SLC9A2: variants seen among roughly 807,000 people sequenced by gnomAD.
SLC9A2 encodes sodium/hydrogen exchanger 2.
Under a neutral mutation model 71.7 loss-of-function variants are expected in SLC9A2, and 42 were observed. The observed-to-expected ratio is 0.59, with a 90% CI of 0.46 to 0.76. The LOEUF (loss-of-function observed/expected upper bound fraction) is 0.76. Among genes scored for constraint, SLC9A2 ranks in the 30% least tolerant of loss-of-function variants. SLC9A2 has a pLI of 0.00. For missense variants in SLC9A2, 829 were observed against 1,017.4 expected (o/e 0.81, Z 2.52); for synonymous variants, 396 against 392.5 (o/e 1.01, Z -0.10).
chr2:102,682,474 G>C (rs1054877254), intron 3 of SLC9A2, among the ~76,000 whole-genome samples: 3 of 152,226 alleles, frequency 2.0e-5, no homozygotes, highest in Non-Finnish European at 4.4e-5. Context: ...AGAGCTTCAG[G>C]AGTGTGGACT....
At chr2:102,651,275 A>G (rs920273510) in intron 1 of SLC9A2, among the ~76,000 whole-genome samples, 1 of 152,194 alleles carries the variant, frequency 6.6e-6, no homozygotes, top group Non-Finnish European at 1.5e-5. Context: ...GGACCTGGTC[A>G]TGACATTCCT....
At chr2:102,706,610 C>A (rs554232211) in intron 11 of SLC9A2, among the ~76,000 whole-genome samples, 19 of 152,226 alleles carry the variant, frequency 1.2e-4, no homozygotes, top group African/African-American at 4.6e-4. Flanking sequence ...CAAGAGTTTG[C>A]AAATCTAAAA....
intron 1 of SLC9A2, among the ~76,000 whole-genome samples, chr2:102,637,640 C>T (rs1006320661): frequency 2.0e-4 from 31 of 152,212 alleles, no homozygotes; most frequent in African/African-American, 7.5e-4. Context: ...AAGTGAACTT[C>T]ACCAGCTCTG....
chr2:102,621,796 T>A (rs1270240325), intron 1 of SLC9A2, among the ~76,000 whole-genome samples: 1 of 152,178 alleles, frequency 6.6e-6, no homozygotes, highest in East Asian at 1.9e-4. Context: ...AGAGAACACT[T>A]CCTCATGCAG....
chr2:102,629,644 C>T (rs1331813220), intron 1 of SLC9A2, among the ~76,000 whole-genome samples: 1 of 151,892 alleles, frequency 6.6e-6, no homozygotes, highest in Non-Finnish European at 1.5e-5. Flanking sequence ...TCTTTCTTGC[C>T]ATATTTTGGC....
At position 102,708,524 on chromosome 2, in the gene SLC9A2, C is replaced by A; in HGVS notation, c.*35C>A. The A allele has an allele frequency of 6.3e-7, 1 of 1,589,084 alleles. No homozygotes were observed. Among genetic ancestry groups the A allele is most frequent in the South Asian group, 1.2e-5 (1 of 86,422 alleles). ...CGAAAGCAGATCTGAGTGTCTGACC[C>A]AGGACAGCTGTGGTTTGTCACTCTG... is the stretch of plus-strand genomic sequence containing the variant. On this transcript the variant is annotated 3_prime_UTR_variant, in exon 12 of 12. Transcript: ENST00000233969.
At chr2:102,705,643 C>T (rs1677961193) in intron 10 of SLC9A2, among the ~76,000 whole-genome samples, 1 of 151,996 alleles carries the variant, frequency 6.6e-6, no homozygotes, top group Non-Finnish European at 1.5e-5. Flanking sequence ...TTCCTATTTC[C>T]CTTTGTAGAG....
At chr2:102,669,433 ATG>A (rs144885926) in intron 3 of SLC9A2, among the ~76,000 whole-genome samples, 5 of 151,938 alleles carry the variant, frequency 3.3e-5, no homozygotes, top group Non-Finnish European at 4.4e-5. Context: ...CAATAGGGAA[ATG>A]TGTGTGTGTG....
intron 7 of SLC9A2, among the ~76,000 whole-genome samples, chr2:102,699,367 AG>A (rs1338456193): frequency 6.6e-6 from 1 of 152,174 alleles, no homozygotes; most frequent in Non-Finnish European, 1.5e-5. Flanking sequence ...CACAGTACCA[AG>A]AGGGCCAGAT....
intron 3 of SLC9A2, among the ~76,000 whole-genome samples, chr2:102,669,875 C>G (rs1677211744): frequency 6.6e-6 from 1 of 152,148 alleles, no homozygotes; most frequent in Admixed American, 6.5e-5. Flanking sequence ...CTACCCTACA[C>G]AGTCCCCTGG....
intron 2 of SLC9A2, among the ~76,000 whole-genome samples, chr2:102,664,144 C>T (rs939005791): frequency 1.3e-5 from 2 of 151,770 alleles, no homozygotes; most frequent in Admixed American, 6.6e-5. Context: ...GGTGTGGTGG[C>T]GCCTGCCTGT....
At chr2:102,652,632 GTCTTA>G (rs1676855840) in intron 1 of SLC9A2, among the ~76,000 whole-genome samples, 1 of 152,048 alleles carries the variant, frequency 6.6e-6, no homozygotes, top group Admixed American at 6.6e-5. Context: ...TTGTGCCCTT[GTCTTA>G]TCTTCTGTGC....
intron 7 of SLC9A2, among the ~76,000 whole-genome samples, chr2:102,696,235 G>C (rs1677766502): frequency 6.6e-6 from 1 of 151,978 alleles, no homozygotes; most frequent in South Asian, 2.1e-4. Context: ...TTTTTTCATA[G>C]AGAAATTTGT....
At chr2:102,669,806 C>A (rs980086358) in intron 3 of SLC9A2, among the ~76,000 whole-genome samples, 1 of 152,094 alleles carries the variant, frequency 6.6e-6, no homozygotes, top group Non-Finnish European at 1.5e-5. Context: ...CAGAAATCAA[C>A]TTAAGCCAAA....
chr2:102,664,888 T>G (rs1677104717), intron 2 of SLC9A2, among the ~76,000 whole-genome samples: 1 of 152,192 alleles, frequency 6.6e-6, no homozygotes, highest in African/African-American at 2.4e-5. Context: ...ATAAATTCCC[T>G]GACAACTCAC....
chr2:102,694,614 G>C (rs941096258), intron 6 of SLC9A2, 111 bp downstream of exon 6: 1 of 491,776 alleles, frequency 2.0e-6, no homozygotes, highest in African/African-American at 2.0e-5. Flanking sequence ...GAATGGCAGG[G>C]TGAGAGGGAG....
intron 1 of SLC9A2, among the ~76,000 whole-genome samples, chr2:102,642,417 A>G (rs1287918426): frequency 6.9e-6 from 1 of 144,918 alleles, no homozygotes; most frequent in African/African-American, 2.6e-5. Flanking sequence ...TTCTGCATCA[A>G]TTGATATAAT....
In SLC9A2 at chr2:102,635,649, A is replaced by G. The variant is rs148490583; in HGVS notation, c.289+15512A>G. Among the ~76,000 whole-genome samples the G allele has an allele frequency of 1.6e-3, 251 of 152,306 alleles. 1 individual carries two copies. The highest frequency in any genetic ancestry group is 2.6e-3 in the Non-Finnish European group (179 of 68,028). On this transcript the variant is annotated intron_variant, in intron 1 of 11. Transcript: ENST00000233969. ...GTCACTTACAACGTATATAGTTAAA[A>G]CCAAGTAACACTGTTTTATATTTTC...
intron 3 of SLC9A2, among the ~76,000 whole-genome samples, chr2:102,665,998 G>A (rs867697166): frequency 6.6e-6 from 1 of 151,992 alleles, no homozygotes; most frequent in South Asian, 2.1e-4. Flanking sequence ...GGTTGCCCAC[G>A]TGGGAACCTA....
Sources: gnomAD v4.1 joint callset for allele counts (sites outside exome capture counted in the v4.1 genomes callset) on GRCh38, gnomAD v4.1.1 for gene constraint, MANE v1.5 for transcripts, NCBI Gene and HGNC (gene_info 2026-07-23, HGNC 2026-07-21) for gene names.